ACTR10: variants seen among roughly 807,000 people sequenced by gnomAD.
ACTR10 encodes actin related protein 10, also known as actin-related protein 10.
A neutral mutation model predicts 56.2 loss-of-function variants in ACTR10; 43 were observed. The observed-to-expected ratio is 0.77, with a 90% CI of 0.60 to 0.99. The LOEUF (loss-of-function observed/expected upper bound fraction) is 0.99. Among genes scored for constraint, ACTR10 ranks in the 50% least tolerant of loss-of-function variants. ACTR10 has a pLI of 0.00. For synonymous variants in ACTR10, 170 were observed against 176.3 expected (o/e 0.96, Z 0.28); for missense variants, 466 against 507.8 (o/e 0.92, Z 0.79).
intron 10 of ACTR10, among the ~76,000 whole-genome samples, chr14:58,230,167 A>G (rs778719619): frequency 6.6e-6 from 1 of 152,202 alleles, no homozygotes. Context: ...AATGCCTCCT[A>G]TGTGCCAGAC....
chr14:58,211,659 G>T (rs537619989), intron 5 of ACTR10, among the ~76,000 whole-genome samples: 1 of 152,194 alleles, frequency 6.6e-6, no homozygotes, highest in South Asian at 2.1e-4. Flanking sequence ...GAAAAATCAG[G>T]ATGTGTCAAG....
chr14:58,208,052 T>C (rs1888908805), intron 3 of ACTR10, 34 bp downstream of exon 3: 2 of 1,482,408 alleles, frequency 1.3e-6, no homozygotes, highest in South Asian at 2.7e-5. Flanking sequence ...CTTTTATGAT[T>C]AGATAGATTT....
intron 1 of ACTR10, among the ~76,000 whole-genome samples, chr14:58,202,629 T>C (rs904482400): frequency 2.0e-5 from 3 of 152,164 alleles, no homozygotes; most frequent in African/African-American, 7.2e-5. Context: ...CATTTGTTTT[T>C]TTCAGCATCA....
In ACTR10 at chr14:58,228,681, C is replaced by CTTT. The variant is rs35498207; in HGVS notation, c.789-1682_789-1680dup. On this transcript the variant is annotated intron_variant, in intron 10 of 12. Transcript: ENST00000254286. ...TAACTACATCTAGTTGCAAGACAGACTTTTTTTTTTTTTTTTTTTTTTTTT... is the reference window on the plus strand; with the variant it reads ...TAACTACATCTAGTTGCAAGACAGACTTTTTTTTTTTTTTTTTTTTTTTTTTTT... Among the ~76,000 whole-genome samples the CTTT allele has an allele frequency of 1.3e-3, 53 of 40,784 alleles. 12 individuals carry two copies. The highest frequency in any genetic ancestry group is 2.9e-3 in the East Asian group (3 of 1,032). The allele number at this position is 40,784 out of a possible 152,430, so 26.8% of individuals were successfully genotyped here.
At position 58,223,577 on chromosome 14, in the gene ACTR10, A is replaced by G. The variant is rs201531093; in HGVS notation, c.635-45A>G. ...CTGGGGTGTAGGTACACTCTGTTCA[A>G]TTATAATAACTAGCCATAATAAGGT... On this transcript the variant is annotated intron_variant, in intron 8 of 12. Transcript: ENST00000254286. 1.6e-3 allele frequency: 2,336 copies of G among 1,491,612 alleles called. 3 individuals carry two copies. The highest frequency in any genetic ancestry group is 2.1e-3 in the Non-Finnish European group (2,254 of 1,088,382). 92.4% of individuals were successfully genotyped at this position (1,491,612 alleles called of 1,614,324 possible).
chr14:58,221,181 G>T (rs1196832993), intron 8 of ACTR10, among the ~76,000 whole-genome samples: 2 of 151,756 alleles, frequency 1.3e-5, no homozygotes, highest in Non-Finnish European at 2.9e-5. Context: ...TACTCAGGAG[G>T]CTGAGGCAGG....
chr14:58,207,914 A>T, intron 2 of ACTR10, 22 bp from the exon 3 acceptor site: 1 of 1,329,130 alleles, frequency 7.5e-7, no homozygotes, highest in Admixed American at 2.7e-5. Flanking sequence ...ATAAATTAAT[A>T]AATCATTTTA....
chr14:58,208,311 T>C (rs924899794), intron 3 of ACTR10, among the ~76,000 whole-genome samples: 5 of 152,302 alleles, frequency 3.3e-5, no homozygotes, highest in African/African-American at 1.2e-4. Context: ...TCTGCATCTG[T>C]ATGTAGTAGT....
At chr14:58,211,268 T>C (rs775776354) in intron 4 of ACTR10, 24 bp from the exon 5 acceptor site, 2 of 1,529,704 alleles carry the variant, frequency 1.3e-6, no homozygotes, top group East Asian at 2.3e-5. Context: ...CCGGTTTTGT[T>C]GTATTGATTT....
Position 58,234,845 on chromosome 14 carries a change from G to C in ACTR10, c.*294G>C, listed in dbSNP as rs544148190. The stretch of plus-strand genomic sequence containing the variant: ...TTTTTTTTTTTTTTTTTTTTGAGAC[G>C]GAGTCTCGCTCTGTCACTTAGGCTG... On this transcript the variant is annotated 3_prime_UTR_variant, in exon 13 of 13. Coordinates refer to ENST00000254286, the MANE Select transcript of ACTR10 (RefSeq NM_018477.3). 229 of 179,220 alleles carry C rather than the reference G, an allele frequency of 1.3e-3. 1 individual carries two copies. Among genetic ancestry groups the C allele is most frequent in the African/African-American group, 5.2e-3 (202 of 38,616 alleles). 11.1% of individuals were successfully genotyped at this position (179,220 alleles called of 1,614,324 possible). A position where few individuals can be genotyped will look rare whatever the true frequency, so the allele number is the denominator to read the frequency against.
At chr14:58,218,406 G>A (rs1259582969) in intron 7 of ACTR10, among the ~76,000 whole-genome samples, 1 of 151,992 alleles carries the variant, frequency 6.6e-6, no homozygotes, top group African/African-American at 2.4e-5. Flanking sequence ...GTTATCTTTA[G>A]TATGTCTGTT....
chr14:58,227,274 T>C (rs763198843), intron 10 of ACTR10, among the ~76,000 whole-genome samples: 4 of 152,086 alleles, frequency 2.6e-5, no homozygotes, highest in Non-Finnish European at 5.9e-5. Flanking sequence ...CTCATGCTTG[T>C]AATCCCAGCA....
intron 12 of ACTR10, among the ~76,000 whole-genome samples, chr14:58,233,694 T>C (rs924636199): frequency 6.6e-6 from 1 of 152,212 alleles, no homozygotes; most frequent in Non-Finnish European, 1.5e-5. Flanking sequence ...CTGTAACTAC[T>C]TTGAAGGGAA....
chr14:58,218,777 T>C (rs1889195600), intron 7 of ACTR10, among the ~76,000 whole-genome samples: 1 of 152,196 alleles, frequency 6.6e-6, no homozygotes, highest in South Asian at 2.1e-4. Context: ...TTTATTCTTA[T>C]AAATCAATGA....
Position 58,219,693 on chromosome 14 carries a change from G to C in ACTR10, c.599-1G>C, listed in dbSNP as rs544789349. On this transcript the variant is annotated splice_acceptor_variant, in intron 7 of 12. Coordinates refer to ENST00000254286, the MANE Select transcript of ACTR10 (RefSeq NM_018477.3). LOFTEE classifies it high-confidence loss of function. ...AATTCTAAATGAAATATTTGTTTTA[G>C]GTTCAGTTCCGGAAGGTGTCTTAGA... is the stretch of plus-strand genomic sequence containing the variant. 1.3e-6 allele frequency: 2 copies of C among 1,498,010 alleles called. No homozygotes were observed. Among genetic ancestry groups the C allele is most frequent in the Non-Finnish European group, 1.8e-6 (2 of 1,119,500 alleles). 92.8% of individuals were successfully genotyped at this position (1,498,010 alleles called of 1,614,324 possible).
At position 58,226,749 on chromosome 14, in the gene ACTR10, C is replaced by T. The variant is rs528897649; in HGVS notation, c.788+2893C>T. On this transcript the variant is annotated intron_variant, in intron 10 of 12. Coordinates refer to ENST00000254286, the MANE Select transcript of ACTR10 (RefSeq NM_018477.3). ...CCAAGTAGCTGGGATTACAGGCATG[C>T]GCACCATGCCCAGCTAATTTTTGTA... Among the ~76,000 whole-genome samples, 35 of 152,100 alleles carry T rather than the reference C, an allele frequency of 2.3e-4. No homozygotes were observed. In the South Asian group the frequency reaches 4.6e-3, roughly 20 times the overall value.
intron 10 of ACTR10, among the ~76,000 whole-genome samples, chr14:58,226,693 C>A (rs893906089): frequency 2.0e-5 from 3 of 151,962 alleles, no homozygotes; most frequent in Admixed American, 6.6e-5. Flanking sequence ...CCCCACCTCC[C>A]GGGTTCAAGC....
chr14:58,228,232 C>G (rs1889445104), intron 10 of ACTR10, among the ~76,000 whole-genome samples: 1 of 152,162 alleles, frequency 6.6e-6, no homozygotes, highest in African/African-American at 2.4e-5. Flanking sequence ...CCTTGAGGTC[C>G]AGGATGGCTG....
chr14:58,206,036 C>T (rs1888853541), intron 2 of ACTR10, among the ~76,000 whole-genome samples: 1 of 151,528 alleles, frequency 6.6e-6, no homozygotes, highest in African/African-American at 2.4e-5. Context: ...AAAACGGGGG[C>T]GGGGGATGGA....
Sources: allele counts gnomAD v4.1 joint callset (sites outside exome capture counted in the v4.1 genomes callset), GRCh38; gene constraint gnomAD v4.1.1; transcripts MANE v1.5; gene names NCBI Gene and HGNC (gene_info 2026-07-23, HGNC 2026-07-21).